Variants in CCDC88C observed in about 807,000 individuals in gnomAD.
The protein encoded by CCDC88C is coiled-coil and HOOK domain protein 88C, also known as protein Daple.
In CCDC88C, 131 loss-of-function variants were observed where a neutral mutation model predicts 198.8. That is an observed-to-expected ratio of 0.66 (90% confidence interval 0.57 to 0.76). The LOEUF is 0.76. Among genes scored for constraint, CCDC88C ranks in the 30% least tolerant of loss-of-function variants. The pLI is 0.00. For missense variants in CCDC88C, 2,553 were observed against 2,631.6 expected (o/e 0.97, Z 0.65); for synonymous variants, 1,166 against 1,114.7 (o/e 1.05, Z -0.92).
At position 91,303,896 on chromosome 14, in the gene CCDC88C, T is replaced by C. The variant is rs755022558; in HGVS notation, c.3440A>G (p.Glu1147Gly). 2 of 1,612,840 alleles carry C rather than the reference T, an allele frequency of 1.2e-6. No homozygotes were observed. Among genetic ancestry groups the C allele is most frequent in the South Asian group, 2.2e-5 (2 of 91,092 alleles). ...TLLQNHHTAK[E>G]TENESLQRQQ... is the part of the protein sequence containing the mutation. ...CCTCTGCAGGCTTTCGTTCTCCGTCTCCTTGGCCGTGTGGTGGTTCTGCAG... is the reference window on the plus strand; with the variant it reads ...CCTCTGCAGGCTTTCGTTCTCCGTCCCCTTGGCCGTGTGGTGGTTCTGCAG... The change falls in exon 20 of 30, where the codon GAG becomes GGG. Residue 1147 changes from glutamate to glycine, a missense_variant. Glu to Gly is a moderately conservative substitution (Grantham distance 98). Around this residue, in one of 2 missense-constraint regions of CCDC88C, gnomAD observed 1,293 missense variants for 1,219.6 expected, o/e 1.06. Coordinates refer to ENST00000389857, the MANE Select transcript of CCDC88C (RefSeq NM_001080414.4).
chr14:91,303,708 CGA>C lies in CCDC88C; in HGVS notation c.3626_3627del (p.Leu1209ArgfsTer6). 1 of 1,586,648 alleles carries C rather than the reference CGA, an allele frequency of 6.3e-7. No individual in the cohort carries two copies. Among genetic ancestry groups the C allele is most frequent in the Non-Finnish European group, 8.6e-7 (1 of 1,164,782 alleles). On this transcript the variant is annotated frameshift_variant, in exon 20 of 30. Coordinates refer to ENST00000389857, the MANE Select transcript of CCDC88C (RefSeq NM_001080414.4). LOFTEE classifies it high-confidence loss of function. ...HRNLELEHKE[L>X]GERHGDMLKR... ...TCCTTCCCCAGGCCCTACCTCTCCCCGAGCTCCTTGTGCTCCAGCTCCAGATT... is the reference window on the plus strand; with the variant it reads ...TCCTTCCCCAGGCCCTACCTCTCCCCGCTCCTTGTGCTCCAGCTCCAGATT...
chr14:91,286,177 A>C (rs569311680), intron 25 of CCDC88C, among the ~76,000 whole-genome samples: 1 of 152,290 alleles, frequency 6.6e-6, no homozygotes, highest in South Asian at 2.1e-4. Context: ...ATGCTTATTA[A>C]TTTAGGGCCC....
At position 91,308,759 on chromosome 14, in the gene CCDC88C, A is replaced by G. The variant is rs370394363; in HGVS notation, c.2865-267T>C. ...GTCTGAGGCAGGAATTATTATTGCC[A>G]TTTTACCGAAGGGGAAACTGAGTCT... On this transcript the variant is annotated intron_variant, in intron 16 of 29. Transcript: ENST00000389857. Among the ~76,000 whole-genome samples the G allele has an allele frequency of 4.6e-5, 7 of 152,304 alleles. No homozygotes were observed. The East Asian group carries it at 1.4e-3, about 29-fold the overall frequency.
intron 3 of CCDC88C, among the ~76,000 whole-genome samples, chr14:91,405,032 T>C (rs569904787): frequency 2.0e-5 from 3 of 151,584 alleles, no homozygotes; most frequent in African/African-American, 7.3e-5. Context: ...TCCAATGCAG[T>C]AAGCCAGGAA....
At chr14:91,310,461 G>A (rs1342405661) in intron 15 of CCDC88C, among the ~76,000 whole-genome samples, 1 of 152,138 alleles carries the variant, frequency 6.6e-6, no homozygotes, top group Non-Finnish European at 1.5e-5. Flanking sequence ...TGCCTAGGCT[G>A]AAGTGCAGTG....
intron 29 of CCDC88C, among the ~76,000 whole-genome samples, chr14:91,276,405 T>C (rs1254441416): frequency 1.3e-5 from 2 of 152,222 alleles, no homozygotes; most frequent in East Asian, 3.8e-4. Flanking sequence ...GAAAGAGAAA[T>C]GTTTAAATGA....
At chr14:91,279,793 G>A (rs1890124235) in intron 27 of CCDC88C, 1 of 152,450 alleles carries the variant, frequency 6.6e-6, no homozygotes, top group East Asian at 1.9e-4. Flanking sequence ...GCACCTGAAG[G>A]TGTCACGTCA....
chr14:91,337,847 G>C (rs1893116253), intron 10 of CCDC88C, among the ~76,000 whole-genome samples, 158 bp downstream of exon 10: 1 of 152,206 alleles, frequency 6.6e-6, no homozygotes, highest in East Asian at 1.9e-4. Context: ...GCAAGACGGG[G>C]GCCCTGGGAA....
intron 27 of CCDC88C, chr14:91,281,078 G>T: frequency 4.5e-6 from 2 of 442,278 alleles, no homozygotes; most frequent in Non-Finnish European, 4.6e-6. Flanking sequence ...CAATTTCCAA[G>T]ACTAAATACG....
At chr14:91,285,858 A>G in intron 25 of CCDC88C, 1 of 1,225,140 alleles carries the variant, frequency 8.2e-7, no homozygotes, top group Non-Finnish European at 1.1e-6. Context: ...TCAATCGGAT[A>G]ACCCAAAGGA....
chr14:91,417,568 C>G, intron 1 of CCDC88C, 63 bp downstream of exon 1: 1 of 1,481,592 alleles, frequency 6.7e-7, no homozygotes, highest in Admixed American at 1.9e-5. Flanking sequence ...CTGCGGCGTC[C>G]CGTCGCCGGG....
intron 15 of CCDC88C, among the ~76,000 whole-genome samples, chr14:91,311,065 T>C (rs111679199): frequency 0.014 from 2,196 of 152,230 alleles, 47 homozygotes; most frequent in African/African-American, 0.05. Flanking sequence ...TCACCTGCCA[T>C]GGCAACCGCC....
intron 3 of CCDC88C, 63 bp downstream of exon 3, chr14:91,408,596 A>G: frequency 9.4e-7 from 1 of 1,059,290 alleles, no homozygotes; most frequent in Non-Finnish European, 1.5e-6. Flanking sequence ...CTGTGGGAAA[A>G]CCGTGACAGT....
chr14:91,396,185 A>G (rs1367156291), intron 3 of CCDC88C, among the ~76,000 whole-genome samples: 1 of 152,212 alleles, frequency 6.6e-6, no homozygotes, highest in Admixed American at 6.5e-5. Context: ...CCTGGAGGTG[A>G]GCCACGCAGC....
At chr14:91,340,986 G>C (rs115628401) in intron 6 of CCDC88C, among the ~76,000 whole-genome samples, 16 of 152,098 alleles carry the variant, frequency 1.1e-4, no homozygotes, top group African/African-American at 3.9e-4. Flanking sequence ...CTGGGTGACA[G>C]GCTGTCTCTA....
chr14:91,327,623 C>T (rs1054305225), intron 10 of CCDC88C, among the ~76,000 whole-genome samples: 25 of 152,232 alleles, frequency 1.6e-4, no homozygotes, highest in Admixed American at 2.0e-4. Flanking sequence ...TCACTGCCCT[C>T]GGCTCCCTGA....
intron 3 of CCDC88C, among the ~76,000 whole-genome samples, chr14:91,375,805 C>T (rs908116771): frequency 3.9e-5 from 6 of 152,152 alleles, no homozygotes; most frequent in South Asian, 2.1e-4. Context: ...CTCCTCAGGG[C>T]GAGTGGGGGG....
chr14:91,413,178 A>G (rs974477661), intron 2 of CCDC88C, among the ~76,000 whole-genome samples: 3 of 152,164 alleles, frequency 2.0e-5, no homozygotes, highest in Admixed American at 2.0e-4. Flanking sequence ...TACTCTCACA[A>G]GTAGAGATGT....
chr14:91,384,103 C>A (rs1444813881), intron 3 of CCDC88C, among the ~76,000 whole-genome samples: 1 of 152,098 alleles, frequency 6.6e-6, no homozygotes, highest in Non-Finnish European at 1.5e-5. Flanking sequence ...GGTGCAAAAG[C>A]CAATGCGTCA....
Sources: allele counts gnomAD v4.1 joint callset (sites outside exome capture counted in the v4.1 genomes callset), GRCh38; gene constraint gnomAD v4.1.1; regional missense constraint gnomAD v4.1.1; transcripts MANE v1.5; gene names NCBI Gene and HGNC (gene_info 2026-07-23, HGNC 2026-07-21).